MED13L: variants seen among roughly 807,000 people sequenced by gnomAD.
MED13L encodes the protein mediator complex subunit 13L, also known as mediator of RNA polymerase II transcription subunit 13-like.
In MED13L, 7 loss-of-function variants were observed where a neutral mutation model predicts 220.9. The ratio of observed to expected loss-of-function variants is 0.03; its 90% CI spans 0.02 to 0.06. The LOEUF is 0.06. MED13L is among the 10% of genes least tolerant of loss of function. The pLI is 1.00. For missense variants in MED13L, 1,965 were observed against 2,760.5 expected, an observed-to-expected ratio of 0.71 and a Z score of 6.46; for synonymous variants, 1,011 against 1,015.2, an observed-to-expected ratio of 1.00 and a Z score of 0.08.
Position 115,983,229 on chromosome 12 carries a change from T to A in MED13L, c.4843A>T (p.Asn1615Tyr). The A allele has an allele frequency of 6.2e-7, 1 of 1,614,178 alleles. No homozygotes were observed. The highest frequency in any genetic ancestry group is 1.3e-5 in the African/African-American group (1 of 75,060). The change falls in exon 21 of 31, where the codon AAC (asparagine) becomes TAC (tyrosine). Residue 1615 changes from asparagine (N) to tyrosine (Y), a missense_variant. Physicochemically the swap from Asn to Tyr is moderately radical, Grantham distance 143. Around this residue, in one of 10 missense-constraint regions of MED13L, gnomAD observed 510 missense variants for 620.4 expected, o/e 0.82. Transcript: ENST00000281928. ...SGFSGSVGGQ[N>Y]PSTGGISADR... ...GCAGAAATGCCCCCAGTGCTGGGGTTCTGCCCTCCAACACTACCACTGAAT... is the reference window on the plus strand; with the variant it reads ...GCAGAAATGCCCCCAGTGCTGGGGTACTGCCCTCCAACACTACCACTGAAT...
intron 16 of MED13L, 138 bp downstream of exon 16, chr12:115,996,338 C>T (rs1878402183): frequency 2.0e-5 from 19 of 929,836 alleles, no homozygotes; most frequent in Middle Eastern, 3.2e-4. Flanking sequence ...GTGATCTGCC[C>T]GCCTCCACCT....
intron 2 of MED13L, among the ~76,000 whole-genome samples, chr12:116,227,635 T>C (rs1869134798): frequency 6.6e-6 from 1 of 152,190 alleles, no homozygotes; most frequent in Non-Finnish European, 1.5e-5. Flanking sequence ...AACAGCAGAC[T>C]GAACCAATTG....
At chr12:116,124,802 T>A (rs930057351) in intron 2 of MED13L, among the ~76,000 whole-genome samples, 1 of 152,208 alleles carries the variant, frequency 6.6e-6, no homozygotes, top group Non-Finnish European at 1.5e-5. Flanking sequence ...TAAGGAATTT[T>A]AAAAAGTGAA....
At chr12:116,107,437 A>G (rs1873680018) in intron 3 of MED13L, among the ~76,000 whole-genome samples, 2 of 152,352 alleles carry the variant, frequency 1.3e-5, no homozygotes, top group South Asian at 4.1e-4. Context: ...ATATAAGATT[A>G]CCTCAGCACC....
At chr12:116,005,847 T>G in intron 13 of MED13L, 22 bp downstream of exon 13, 1 of 1,613,632 alleles carries the variant, frequency 6.2e-7, no homozygotes, top group South Asian at 1.1e-5. Context: ...AATTTTTGTT[T>G]ATGTAGCTAC....
At chr12:116,005,289 T>C (rs1264929018) in intron 13 of MED13L, among the ~76,000 whole-genome samples, 1 of 152,168 alleles carries the variant, frequency 6.6e-6, no homozygotes, top group African/African-American at 2.4e-5. Flanking sequence ...GACACACATT[T>C]CCTGACTCTT....
intron 7 of MED13L, among the ~76,000 whole-genome samples, chr12:116,018,393 G>A (rs999686641): frequency 6.6e-6 from 1 of 152,106 alleles, no homozygotes; most frequent in Admixed American, 6.6e-5. Flanking sequence ...TTTTCATGAG[G>A]ATTACGTATG....
intron 4 of MED13L, among the ~76,000 whole-genome samples, chr12:116,072,031 T>C (rs1322860969): frequency 6.6e-6 from 1 of 152,238 alleles, no homozygotes; most frequent in Non-Finnish European, 1.5e-5. Context: ...GCCTAAACAA[T>C]CCTGGCTCTA....
intron 2 of MED13L, among the ~76,000 whole-genome samples, chr12:116,116,149 C>T (rs1874496706): frequency 6.6e-6 from 1 of 152,002 alleles, no homozygotes; most frequent in Non-Finnish European, 1.5e-5. Context: ...TGACAGGTGG[C>T]CTAGATAGCC....
At chr12:116,020,526 T>C (rs1879998794) in intron 5 of MED13L, among the ~76,000 whole-genome samples, 1 of 152,212 alleles carries the variant, frequency 6.6e-6, no homozygotes, top group African/African-American at 2.4e-5. Flanking sequence ...AAATGAAATT[T>C]CTAACAGTGG....
intron 14 of MED13L, among the ~76,000 whole-genome samples, chr12:116,000,977 T>C (rs1039566657): frequency 2.0e-5 from 3 of 152,108 alleles, no homozygotes; most frequent in African/African-American, 7.2e-5. Context: ...TGTACAACCA[T>C]TATATATTAC....
rs548572712 is a variant in MED13L, at chr12:115,995,134, T to A, written c.2996+1342A>T. Among the ~76,000 whole-genome samples, 8 of 152,300 alleles carry A rather than the reference T, an allele frequency of 5.3e-5. 3 individuals are homozygous for A. Among genetic ancestry groups the A allele is most frequent in the African/African-American group, 1.9e-4 (8 of 41,560 alleles). On this transcript the variant is annotated intron_variant, in intron 16 of 30. Coordinates refer to ENST00000281928, the MANE Select transcript of MED13L (RefSeq NM_015335.5). ...TTATATACACAAGCAGGAAGTCTTG[T>A]TACGACATTAAAATTAACTTCATCA... is the stretch of plus-strand genomic sequence containing the variant.
chr12:116,250,776 CAAAAA>C (rs772459455), intron 1 of MED13L, among the ~76,000 whole-genome samples: 5 of 76,780 alleles, frequency 6.5e-5, no homozygotes, highest in Admixed American at 4.7e-4. Context: ...GACTCCTCCT[CAAAAA>C]AAAAAAAAAA....
chr12:115,966,248 AAAAC>A lies in MED13L; in HGVS notation c.6226-9_6226-6del. 1 of 1,614,044 alleles carries A rather than the reference AAAAC, an allele frequency of 6.2e-7. No individual in the cohort carries two copies. The highest frequency in any genetic ancestry group is 8.5e-7 in the Non-Finnish European group (1 of 1,179,966). Reference sequence around the variant, plus strand: ...AAGAAGACGCTCACCCTGGCTCTGAAAAACAAAAATCCCAAAAACATGATCAGCA... The same window carrying A: ...AAGAAGACGCTCACCCTGGCTCTGAAAAAAATCCCAAAAACATGATCAGCA... On this transcript the variant is annotated splice_region_variant and splice_polypyrimidine_tract_variant and intron_variant, in intron 28 of 30. Transcript: ENST00000281928.
chr12:116,160,305 T>C (rs977316295), intron 2 of MED13L, among the ~76,000 whole-genome samples: 1 of 152,192 alleles, frequency 6.6e-6, no homozygotes, highest in African/African-American at 2.4e-5. Flanking sequence ...GCTATTTTTG[T>C]TGTTGTTGTT....
intron 1 of MED13L, among the ~76,000 whole-genome samples, chr12:116,273,447 T>C (rs1387042855): frequency 3.9e-5 from 6 of 152,154 alleles, no homozygotes; most frequent in Admixed American, 3.9e-4. Flanking sequence ...TCATTCCCTT[T>C]TCCTAATTTC....
At chr12:116,155,075 C>T (rs915681041) in intron 2 of MED13L, among the ~76,000 whole-genome samples, 5 of 152,166 alleles carry the variant, frequency 3.3e-5, no homozygotes, top group African/African-American at 1.2e-4. Context: ...GATCCACCTG[C>T]CTTGACCTCC....
chr12:116,267,054 G>C lies in MED13L; in HGVS notation c.72+10006C>G, dbSNP rs190464157. On this transcript the variant is annotated intron_variant, in intron 1 of 30. Transcript: ENST00000281928. ...AAGTACTATTCCTGACATTCCCTGA[G>C]ACAAATCTCAAAGTGTTAATAGAAC... is the stretch of plus-strand genomic sequence containing the variant. 1.6e-3 allele frequency among the ~76,000 whole-genome samples: 237 copies of C among 152,258 alleles called. 2 individuals are homozygous for C. Among genetic ancestry groups the C allele is most frequent in the African/African-American group, 5.0e-3 (209 of 41,550 alleles).
intron 2 of MED13L, among the ~76,000 whole-genome samples, chr12:116,200,309 T>C (rs933876224): frequency 6.6e-6 from 1 of 152,148 alleles, no homozygotes; most frequent in South Asian, 2.1e-4. Flanking sequence ...CTTTTGTACT[T>C]TGTACAATGT....
Sources: allele counts gnomAD v4.1 joint callset (sites outside exome capture counted in the v4.1 genomes callset), GRCh38; gene constraint gnomAD v4.1.1; regional missense constraint gnomAD v4.1.1; transcripts MANE v1.5; gene names NCBI Gene and HGNC (gene_info 2026-07-23, HGNC 2026-07-21).